SLC38A12: variants seen among roughly 807,000 people sequenced by gnomAD.
SLC38A12 encodes solute carrier family 38 member 12.
At chr17:74,837,300 C>T in the SLC38A12 span, 1 of 985,394 alleles carries the variant, frequency 1.0e-6, no homozygotes, top group African/African-American at 1.7e-5. Flanking sequence ...GTACCAGAGT[C>T]CCCAGATAGA....
At chr17:74,826,084 A>G in the SLC38A12 span, among the ~76,000 whole-genome samples, 37 of 152,368 alleles carry the variant, frequency 2.4e-4, no homozygotes, top group African/African-American at 8.7e-4. Context: ...GAAGGAGATT[A>G]GTCAGCCAGC....
At chr17:74,809,587 C>T in the SLC38A12 span, among the ~76,000 whole-genome samples, 2 of 152,172 alleles carry the variant, frequency 1.3e-5, no homozygotes, top group Non-Finnish European at 2.9e-5. Flanking sequence ...CGGTTCTGTG[C>T]GGGAAGCTCT....
the SLC38A12 span, chr17:74,795,085 G>GC: frequency 5.6e-6 from 9 of 1,613,998 alleles, no homozygotes; most frequent in Non-Finnish European, 7.6e-6. Flanking sequence ...CTGCTGCCGT[G>GC]CCCTTCTCCC....
chr17:74,819,770 C>T, the SLC38A12 span: 35 of 1,614,108 alleles, frequency 2.2e-5, no homozygotes, highest in African/African-American at 9.3e-5. Flanking sequence ...CTCTCCTCCT[C>T]GGACCGTTCA....
At chr17:74,785,364 C>A in the SLC38A12 span, 1 of 1,433,976 alleles carries the variant, frequency 7.0e-7, no homozygotes, top group Non-Finnish European at 9.5e-7. Flanking sequence ...CCTTCCCTGT[C>A]TACAGTGTGG....
At chr17:74,835,457 T>A in the SLC38A12 span, among the ~76,000 whole-genome samples, 8 of 152,108 alleles carry the variant, frequency 5.3e-5, no homozygotes, top group African/African-American at 1.9e-4. Flanking sequence ...CTTCTTCGTC[T>A]ACCCCCCAGC....
At chr17:74,813,657 C>T in the SLC38A12 span, among the ~76,000 whole-genome samples, 50 of 152,290 alleles carry the variant, frequency 3.3e-4, no homozygotes, top group African/African-American at 1.0e-3. Flanking sequence ...CCCGCCACCA[C>T]GCCTGGCTAA....
chr17:74,824,045 G>C, the SLC38A12 span, among the ~76,000 whole-genome samples: 1 of 152,202 alleles, frequency 6.6e-6, no homozygotes, highest in African/African-American at 2.4e-5. Flanking sequence ...CTCAAGATGA[G>C]CCTCTCTGGG....
the SLC38A12 span, among the ~76,000 whole-genome samples, chr17:74,834,450 A>C: frequency 6.6e-6 from 1 of 152,086 alleles, no homozygotes; most frequent in Non-Finnish European, 1.5e-5. Flanking sequence ...TGTCCCCGAC[A>C]GTGTCAGGCA....
At chr17:74,785,547 C>A in the SLC38A12 span, 1 of 1,614,164 alleles carries the variant, frequency 6.2e-7, no homozygotes, top group Non-Finnish European at 8.5e-7. Context: ...CCAAGGCATT[C>A]GCCACTGCCG....
the SLC38A12 span, among the ~76,000 whole-genome samples, chr17:74,794,149 C>A: frequency 2.6e-4 from 39 of 152,194 alleles, no homozygotes; most frequent in Non-Finnish European, 4.6e-4. Context: ...TTGCACCTGG[C>A]CTTTCTAGCT....
the SLC38A12 span, among the ~76,000 whole-genome samples, chr17:74,826,554 C>G: frequency 6.6e-6 from 1 of 152,216 alleles, no homozygotes; most frequent in African/African-American, 2.4e-5. Flanking sequence ...AGTTGCTAGG[C>G]AAAGCTGGCA....
At chr17:74,827,590 C>T in the SLC38A12 span, among the ~76,000 whole-genome samples, 4 of 152,256 alleles carry the variant, frequency 2.6e-5, no homozygotes, top group South Asian at 8.3e-4. The surrounding 1 kb of genome is among the most constrained non-coding windows in gnomAD (Gnocchi z 4.7). Flanking sequence ...ACCACCGTGC[C>T]CGGCCGCATC....
At chr17:74,831,003 C>T in the SLC38A12 span, among the ~76,000 whole-genome samples, 3 of 152,216 alleles carry the variant, frequency 2.0e-5, no homozygotes, top group Admixed American at 6.5e-5. Flanking sequence ...CCCCCCTCCT[C>T]GTCTCTACCC....
chr17:74,789,769 T>C, the SLC38A12 span, among the ~76,000 whole-genome samples: 2 of 139,366 alleles, frequency 1.4e-5, no homozygotes, highest in Admixed American at 1.6e-4. Context: ...CACTTGAACC[T>C]GGGAGGCAGA....
chr17:74,812,664 G>A, the SLC38A12 span, among the ~76,000 whole-genome samples: 1 of 152,138 alleles, frequency 6.6e-6, no homozygotes, highest in African/African-American at 2.4e-5. Flanking sequence ...CCTCCACCCA[G>A]ATGAGCCCCC....
At chr17:74,826,846 G>A in the SLC38A12 span, among the ~76,000 whole-genome samples, 6 of 152,216 alleles carry the variant, frequency 3.9e-5, no homozygotes, top group Non-Finnish European at 8.8e-5. Context: ...GCCTTGAGGG[G>A]CCTTAAAAGA....
chr17:74,829,720 G>A, the SLC38A12 span, among the ~76,000 whole-genome samples: 69 of 152,264 alleles, frequency 4.5e-4, no homozygotes, highest in African/African-American at 1.5e-3. The surrounding 1 kb of genome is among the most constrained non-coding windows in gnomAD (Gnocchi z 4.1). Flanking sequence ...CCAGAGCGGA[G>A]GTAGGGGCTC....
the SLC38A12 span, chr17:74,790,274 G>A: frequency 5.6e-6 from 9 of 1,614,140 alleles, no homozygotes; most frequent in South Asian, 7.7e-5. Flanking sequence ...AGCGGGCAGA[G>A]AAGCGGCCCA....
Sources: allele counts gnomAD v4.1 joint callset (sites outside exome capture counted in the v4.1 genomes callset), GRCh38; gene constraint gnomAD v4.1.1; non-coding constraint Gnocchi (gnomAD v3.1); transcripts MANE v1.5; gene names NCBI Gene and HGNC (gene_info 2026-07-23, HGNC 2026-07-21).